Variants in PCNX1 observed in about 807,000 individuals in gnomAD.
The protein encoded by PCNX1 is pecanex 1, also known as pecanex-like protein 1.
In PCNX1, 78 loss-of-function variants were observed where a neutral mutation model predicts 242.2. The observed-to-expected ratio is 0.32, with a 90% CI of 0.27 to 0.39. The LOEUF is 0.39. Ranked by LOEUF, PCNX1 falls within the 10% of genes least tolerant of loss-of-function variation. The pLI, the probability that PCNX1 is intolerant of heterozygous loss-of-function variation, is 1.00. For missense variants in PCNX1, 2,581 were observed against 2,856.5 expected (o/e 0.90, Z 2.20); for synonymous variants, 1,024 against 1,032.9 (o/e 0.99, Z 0.17).
chr14:70,907,495 G>T lies in PCNX1; in HGVS notation c.-356G>T, dbSNP rs1039141497. The T allele has an allele frequency of 6.6e-6, 1 of 152,466 alleles. No individual in the cohort carries two copies. Among genetic ancestry groups the T allele is most frequent in the East Asian group, 1.9e-4 (1 of 5,210 alleles). 9.4% of individuals were successfully genotyped at this position (152,466 alleles called of 1,614,324 possible). A position where few individuals can be genotyped will look rare whatever the true frequency, so the allele number is the denominator to read the frequency against. ...CCTGGCCCAGGGCTGGCGGCCGGCG[G>T]GGGTCGCGGCGGCGGCAGTGGGGGC... On this transcript the variant is annotated 5_prime_UTR_variant, in exon 1 of 36. Coordinates refer to ENST00000304743, the MANE Select transcript of PCNX1 (RefSeq NM_014982.3).
intron 13 of PCNX1, among the ~76,000 whole-genome samples, chr14:71,023,629 TAGG>T (rs1566713463): frequency 1.3e-5 from 2 of 152,088 alleles, no homozygotes; most frequent in Admixed American, 6.6e-5. Flanking sequence ...GAGTAACCAT[TAGG>T]AGCAAGAATA....
In PCNX1 at chr14:70,907,845, G is replaced by A. The variant is rs113468911; in HGVS notation, c.-6G>A. ...GCGGCGGCGACGGCGGCGGCGCCGG[G>A]TGGGGATGGGGTCGCAGACGCTGCA... On this transcript the variant is annotated 5_prime_UTR_variant, in exon 1 of 36. In the 5' UTR this introduces an upstream ATG that the reference lacks. Coordinates refer to ENST00000304743, the MANE Select transcript of PCNX1 (RefSeq NM_014982.3). 1 of 1,312,908 alleles carries A rather than the reference G, an allele frequency of 7.6e-7. No individual in the cohort carries two copies. Among genetic ancestry groups the A allele is most frequent in the Non-Finnish European group, 9.7e-7 (1 of 1,027,628 alleles). 81.3% of individuals were successfully genotyped at this position (1,312,908 alleles called of 1,614,324 possible).
At chr14:71,031,871 T>G (rs2060395857) in intron 16 of PCNX1, 1 of 1,457,556 alleles carries the variant, frequency 6.9e-7, no homozygotes, top group South Asian at 1.1e-5. Context: ...TTCAGCACTT[T>G]CACAGCACGA....
At chr14:71,065,426 A>G (rs1270127291) in intron 26 of PCNX1, among the ~76,000 whole-genome samples, 1 of 152,122 alleles carries the variant, frequency 6.6e-6, no homozygotes. Flanking sequence ...TCTTTTGAGA[A>G]GTGTCTGTTC....
intron 6 of PCNX1, among the ~76,000 whole-genome samples, chr14:70,987,736 T>G (rs1250971058): frequency 6.6e-6 from 1 of 152,250 alleles, no homozygotes; most frequent in Non-Finnish European, 1.5e-5. Context: ...GTAAGATCTG[T>G]GTAGTTCTAC....
chr14:70,951,117 T>A (rs1003025496), intron 2 of PCNX1, among the ~76,000 whole-genome samples: 2 of 152,174 alleles, frequency 1.3e-5, no homozygotes, highest in Non-Finnish European at 2.9e-5. Flanking sequence ...TTAATTTGTT[T>A]AGGTTTGTTT....
At chr14:71,077,148 G>A (rs115688241) in intron 28 of PCNX1, among the ~76,000 whole-genome samples, 2,098 of 152,218 alleles carry the variant, frequency 0.014, 45 homozygotes, top group African/African-American at 0.047. Flanking sequence ...CACACATTAG[G>A]ATAACATGTC....
intron 1 of PCNX1, among the ~76,000 whole-genome samples, chr14:70,934,961 T>G (rs2056942803): frequency 6.7e-6 from 1 of 149,612 alleles, no homozygotes; most frequent in Non-Finnish European, 1.5e-5. Flanking sequence ...CCAAGTAGAG[T>G]AGAGAATAAG....
intron 1 of PCNX1, among the ~76,000 whole-genome samples, chr14:70,921,288 G>T (rs989909428): frequency 2.0e-5 from 3 of 152,056 alleles, no homozygotes; most frequent in Admixed American, 6.6e-5. Flanking sequence ...AAACTGAAAT[G>T]AACTTGGATG....
intron 26 of PCNX1, among the ~76,000 whole-genome samples, chr14:71,065,807 G>C (rs1425754844): frequency 6.6e-6 from 1 of 152,082 alleles, no homozygotes; most frequent in Non-Finnish European, 1.5e-5. Context: ...GTAAGGAAGG[G>C]GTCCAGTTTC....
In PCNX1 at chr14:71,109,961, C is replaced by A. The variant is rs978099155; in HGVS notation, c.*26C>A. 3.1e-6 allele frequency: 5 copies of A among 1,606,174 alleles called. No individual in the cohort carries two copies. The highest frequency in any genetic ancestry group is 4.3e-6 in the Non-Finnish European group (5 of 1,173,106). ...GCCAGTGTTTATTATAAAGACATTT[C>A]TTTTTCCCTCTCAATTCCAAGGCAT... On this transcript the variant is annotated 3_prime_UTR_variant, in exon 36 of 36. Transcript: ENST00000304743.
chr14:71,026,061 GTT>G, intron 13 of PCNX1, 54 bp from the exon 14 acceptor site: 2 of 1,162,556 alleles, frequency 1.7e-6, no homozygotes, highest in Non-Finnish European at 2.4e-6. Context: ...GATACCAGTA[GTT>G]ATTTGTGACT....
chr14:71,065,381 T>G (rs1351864371), intron 26 of PCNX1, among the ~76,000 whole-genome samples: 1 of 152,206 alleles, frequency 6.6e-6, no homozygotes, highest in East Asian at 1.9e-4. Context: ...GATGATGAGC[T>G]TTTCTTCATA....
intron 22 of PCNX1, among the ~76,000 whole-genome samples, chr14:71,049,487 T>G (rs1011623444): frequency 6.6e-6 from 1 of 152,198 alleles, no homozygotes; most frequent in African/African-American, 2.4e-5. Context: ...CTACCATCCT[T>G]TACATATTGT....
chr14:71,107,653 A>G (rs1407293228), intron 33 of PCNX1, among the ~76,000 whole-genome samples: 1 of 152,214 alleles, frequency 6.6e-6, no homozygotes, highest in Non-Finnish European at 1.5e-5. Flanking sequence ...TTTCAGTGCC[A>G]CTGATCATTC....
chr14:70,960,604 C>A (rs987289280), intron 2 of PCNX1, among the ~76,000 whole-genome samples: 1 of 151,952 alleles, frequency 6.6e-6, no homozygotes, highest in African/African-American at 2.4e-5. Flanking sequence ...TGAAAACTGG[C>A]ACAAGACAGG....
At chr14:70,975,560 G>A (rs1417397857) in intron 5 of PCNX1, among the ~76,000 whole-genome samples, 1 of 152,016 alleles carries the variant, frequency 6.6e-6, no homozygotes, top group African/African-American at 2.4e-5. Flanking sequence ...TTTGGTCATT[G>A]AGATTCTACT....
chr14:71,102,626 A>G (rs1031355665), intron 31 of PCNX1, among the ~76,000 whole-genome samples: 3 of 152,178 alleles, frequency 2.0e-5, no homozygotes, highest in Admixed American at 1.3e-4. Context: ...TGTGATGACC[A>G]TATTACATTT....
chr14:71,109,764 GCTAACTT>G, intron 35 of PCNX1, 24 bp from the exon 36 acceptor site: 1 of 1,612,084 alleles, frequency 6.2e-7, no homozygotes. Context: ...GGTCTCCAGT[GCTAACTT>G]CTTGTTTTAT....
Sources: gnomAD v4.1 joint callset for allele counts (sites outside exome capture counted in the v4.1 genomes callset) on GRCh38, gnomAD v4.1.1 for gene constraint, MANE v1.5 for transcripts, NCBI Gene and HGNC (gene_info 2026-07-23, HGNC 2026-07-21) for gene names.